THSD4: variants seen among roughly 807,000 people sequenced by gnomAD.
The protein encoded by THSD4 is thrombospondin type-1 domain-containing protein 4.
In THSD4, 69 loss-of-function variants were observed where a neutral mutation model predicts 119.0. The ratio of observed to expected loss-of-function variants is 0.58; its 90% CI spans 0.48 to 0.71. The LOEUF (loss-of-function observed/expected upper bound fraction) is 0.71. THSD4 is among the 30% of genes least tolerant of loss of function. THSD4 has a pLI of 0.00. For missense variants in THSD4, 1,393 were observed against 1,391.1 expected (o/e 1.00, Z -0.02); for synonymous variants, 524 against 540.4 (o/e 0.97, Z 0.42).
chr15:71,408,258 G>C (rs1166286569), intron 6 of THSD4, among the ~76,000 whole-genome samples: 2 of 152,024 alleles, frequency 1.3e-5, no homozygotes, highest in East Asian at 1.9e-4. Context: ...ATGGGATCTT[G>C]CTCTTGCTCT....
At chr15:71,158,070 A>G (rs2040797948) in intron 3 of THSD4, among the ~76,000 whole-genome samples, 1 of 150,108 alleles carries the variant, frequency 6.7e-6, no homozygotes, top group Non-Finnish European at 1.5e-5. Context: ...ACTGTTGTTC[A>G]TGGTGGCTGT....
At position 71,649,022 on chromosome 15, in the gene THSD4, G is replaced by T. The variant is rs1054603705; in HGVS notation, c.1153-11508G>T. On this transcript the variant is annotated intron_variant, in intron 7 of 17. Transcript: ENST00000261862. ...AAGGCTCTTAGGTGAACATTCATGTGTCTAGAAGAAAAGACGTTTTGAACA... is the reference window on the plus strand; with the variant it reads ...AAGGCTCTTAGGTGAACATTCATGTTTCTAGAAGAAAAGACGTTTTGAACA... 2.6e-5 allele frequency among the ~76,000 whole-genome samples: 4 copies of T among 152,170 alleles called. 1 individual carries two copies. Among genetic ancestry groups the T allele is most frequent in the African/African-American group, 4.8e-5 (2 of 41,436 alleles).
At chr15:71,773,635 G>A (rs2053863307) in intron 17 of THSD4, among the ~76,000 whole-genome samples, 2 of 152,182 alleles carry the variant, frequency 1.3e-5, no homozygotes, top group Admixed American at 6.5e-5. Context: ...CAATGCCAAA[G>A]TTACTAAAGA....
At chr15:71,574,785 C>T (rs910606600) in intron 7 of THSD4, among the ~76,000 whole-genome samples, 5 of 152,100 alleles carry the variant, frequency 3.3e-5, no homozygotes, top group Admixed American at 3.3e-4. Context: ...GCTTCAAAGT[C>T]ACATTTCCAC....
intron 5 of THSD4, among the ~76,000 whole-genome samples, chr15:71,253,214 G>A (rs1472282510): frequency 1.3e-5 from 2 of 152,202 alleles, no homozygotes; most frequent in Admixed American, 6.5e-5. Context: ...ACGCTTAGAT[G>A]TAAATGACTT....
chr15:71,686,551 T>C (rs983695516), intron 8 of THSD4, among the ~76,000 whole-genome samples: 3 of 152,140 alleles, frequency 2.0e-5, no homozygotes, highest in African/African-American at 7.2e-5. Context: ...TCAGAACACA[T>C]GGGATAGTGA....
intron 6 of THSD4, among the ~76,000 whole-genome samples, chr15:71,392,869 C>A (rs1234045564): frequency 6.6e-6 from 1 of 152,192 alleles, no homozygotes; most frequent in Middle Eastern, 3.2e-3. Context: ...AATACTGTTT[C>A]AGCCTGAGGT....
chr15:71,629,900 C>T lies in THSD4; in HGVS notation c.1153-30630C>T, dbSNP rs146461746. 2.4e-4 allele frequency among the ~76,000 whole-genome samples: 37 copies of T among 152,302 alleles called. No homozygotes were observed. In the East Asian group the frequency reaches 7.1e-3, roughly 29 times the overall value. Reference sequence around the variant, plus strand: ...TACTCTGGCTGTAAGGTAGTGATGGCTTGGCTCTGGAACCCTTGGAGGCGC... The same window carrying T: ...TACTCTGGCTGTAAGGTAGTGATGGTTTGGCTCTGGAACCCTTGGAGGCGC... On this transcript the variant is annotated intron_variant, in intron 7 of 17. Transcript: ENST00000261862.
intron 7 of THSD4, among the ~76,000 whole-genome samples, chr15:71,532,283 A>AGAGAGAGAGAGTGTGT (rs1379506089): frequency 2.9e-4 from 29 of 101,644 alleles, no homozygotes; most frequent in Admixed American, 1.3e-3. Context: ...AGAGAGAGAG[A>AGAGAGAGAGAGTGTGT]GTGTGTGTGT....
chr15:71,341,261 G>A (rs7178754), intron 6 of THSD4: 119,651 of 1,594,390 alleles, frequency 0.075, 5,170 homozygotes, highest in Non-Finnish European at 0.088. Flanking sequence ...TTCCTTTTCC[G>A]TAAGGATCAT....
At chr15:71,204,066 C>G (rs914191800) in intron 3 of THSD4, among the ~76,000 whole-genome samples, 1 of 152,142 alleles carries the variant, frequency 6.6e-6, no homozygotes, top group East Asian at 1.9e-4. Context: ...AGCCACTTGC[C>G]GTGGAGAGCA....
chr15:71,608,372 T>C (rs1293817389), intron 7 of THSD4, among the ~76,000 whole-genome samples: 1 of 152,044 alleles, frequency 6.6e-6, no homozygotes, highest in African/African-American at 2.4e-5. Context: ...CTGGATTATA[T>C]AAATTCTCTA....
intron 3 of THSD4, among the ~76,000 whole-genome samples, chr15:71,188,305 G>A (rs1301166556): frequency 6.6e-6 from 1 of 152,160 alleles, no homozygotes; most frequent in Non-Finnish European, 1.5e-5. Context: ...TGGCGAAGGT[G>A]TGGGAGCCGT....
intron 3 of THSD4, among the ~76,000 whole-genome samples, chr15:71,199,884 A>ACG (rs2140237378): frequency 3.9e-5 from 1 of 25,600 alleles, no homozygotes; most frequent in African/African-American, 7.1e-5. Context: ...TGTGTGGTGC[A>ACG]TGTGTGGTAT....
intron 7 of THSD4, among the ~76,000 whole-genome samples, chr15:71,637,427 T>G (rs1293642199): frequency 6.6e-6 from 1 of 152,054 alleles, no homozygotes; most frequent in Non-Finnish European, 1.5e-5. Flanking sequence ...TGGGGAGCCA[T>G]GATCTCAGTG....
chr15:71,317,395 T>G lies in THSD4; in HGVS notation c.1015+60680T>G, dbSNP rs553607723. Among the ~76,000 whole-genome samples the G allele has an allele frequency of 2.0e-5, 3 of 152,158 alleles. No homozygotes were observed. The East Asian group carries it at 5.8e-4, about 29-fold the overall frequency. On this transcript the variant is annotated intron_variant, in intron 6 of 17. Coordinates refer to ENST00000261862, the MANE Select transcript of THSD4 (RefSeq NM_024817.3). Reference sequence around the variant, plus strand: ...CCACATGGCTATGGAGGCTTCACAGTAATGGCAGAAGGTGATGGAGGAGCA... The same window carrying G: ...CCACATGGCTATGGAGGCTTCACAGGAATGGCAGAAGGTGATGGAGGAGCA...
At chr15:71,123,875 C>T (rs756919701) in intron 1 of THSD4, among the ~76,000 whole-genome samples, 19 of 152,224 alleles carry the variant, frequency 1.2e-4, no homozygotes, top group Non-Finnish European at 2.1e-4. Flanking sequence ...AAATGTGGAG[C>T]GTGCATTTAC....
chr15:71,456,571 G>T (rs533402286), intron 7 of THSD4, among the ~76,000 whole-genome samples: 14 of 152,230 alleles, frequency 9.2e-5, no homozygotes, highest in Admixed American at 3.9e-4. Context: ...CAGTTTGCCT[G>T]CAGTCTTATA....
At chr15:71,581,423 G>C (rs569987763) in intron 7 of THSD4, among the ~76,000 whole-genome samples, 1 of 152,018 alleles carries the variant, frequency 6.6e-6, no homozygotes, top group South Asian at 2.1e-4. Flanking sequence ...TATATATTTT[G>C]GATATTATAT....
Sources: allele counts gnomAD v4.1 joint callset (sites outside exome capture counted in the v4.1 genomes callset), GRCh38; gene constraint gnomAD v4.1.1; transcripts MANE v1.5; gene names NCBI Gene and HGNC (gene_info 2026-07-23, HGNC 2026-07-21).